Variants in MROH7 observed in about 807,000 individuals in gnomAD.
MROH7 encodes maestro heat like repeat family member 7, also known as maestro heat-like repeat-containing protein family member 7.
MROH7 carries 113 observed loss-of-function variants against 129.2 expected under a neutral mutation model. The ratio of observed to expected loss-of-function variants is 0.87; its 90% CI spans 0.75 to 1.02. MROH7 has a LOEUF of 1.02. Ranked by LOEUF, MROH7 falls within the 50% of genes least tolerant of loss-of-function variation. MROH7 has a pLI of 0.00. For missense variants in MROH7, 1,601 were observed against 1,671.3 expected, an observed-to-expected ratio of 0.96 and a Z score of 0.73; for synonymous variants, 655 against 667.9, an observed-to-expected ratio of 0.98 and a Z score of 0.30.
chr1:54,705,292 T>A (rs1031577104), intron 21 of MROH7, among the ~76,000 whole-genome samples: 2 of 152,212 alleles, frequency 1.3e-5, no homozygotes, highest in Non-Finnish European at 2.9e-5. Context: ...GGTAACCTAT[T>A]CATTCATTTG....
intron 2 of MROH7, 55 bp from the exon 3 acceptor site, chr1:54,652,798 T>G: frequency 3.1e-6 from 4 of 1,293,272 alleles, no homozygotes; most frequent in Non-Finnish European, 4.2e-6. Context: ...GTGGGAGCCC[T>G]GGAAAAGCCT....
Position 54,710,014 on chromosome 1 carries a change from A to C in MROH7, c.3799A>C (p.Ile1267Leu), listed in dbSNP as rs1645598561. The change falls in exon 24 of 24, where the codon ATC (isoleucine) becomes CTC (leucine). Residue 1267 changes from isoleucine (I) to leucine (L), a missense_variant. Transcript: ENST00000421030. ...CTACGCAGCCCAGGTCCAGGACCAC[A>C]TCCTGGCCAGCTGCTGGCAGAACTC... ...CIYAAQVQDH[I>L]LASCWQNSWL... The C allele has an allele frequency of 6.2e-7, 1 of 1,614,110 alleles. No individual in the cohort carries two copies. The highest frequency in any genetic ancestry group is 8.5e-7 in the Non-Finnish European group (1 of 1,179,998).
At position 54,701,460 on chromosome 1, in the gene MROH7, C is replaced by T. The variant is rs1438661732; in HGVS notation, c.3285+138C>T. ...AGCCTACTGGGAGAGGAACTTTGTC[C>T]CAGCTGGTCCACATCTTTTTGTAAA... On this transcript the variant is annotated intron_variant, in intron 19 of 23. Coordinates refer to ENST00000421030, the MANE Select transcript of MROH7 (RefSeq NM_001039464.4). 4 of 631,846 alleles carry T rather than the reference C, an allele frequency of 6.3e-6. No individual in the cohort carries two copies. In the African/African-American group the frequency reaches 7.5e-5, roughly 12 times the overall value. The allele number at this position is 631,846 out of a possible 1,614,324, so 39.1% of individuals were successfully genotyped here.
intron 10 of MROH7, 82 bp from the exon 11 acceptor site, chr1:54,678,660 C>G (rs1645018330): frequency 2.1e-6 from 2 of 933,560 alleles, no homozygotes; most frequent in Non-Finnish European, 3.5e-6. Context: ...AAGTTAGTTC[C>G]TTATGATGTA....
chr1:54,684,016 A>G (rs1009949402), intron 14 of MROH7, among the ~76,000 whole-genome samples: 1 of 152,244 alleles, frequency 6.6e-6, no homozygotes, highest in African/African-American at 2.4e-5. Context: ...TGTGCTCACC[A>G]TGATATCCCC....
intron 1 of MROH7, among the ~76,000 whole-genome samples, chr1:54,650,368 G>A (rs1236193881): frequency 6.6e-6 from 1 of 152,158 alleles, no homozygotes; most frequent in Non-Finnish European, 1.5e-5. Context: ...AAAATTTGTG[G>A]AGTGAGTAAA....
At position 54,674,058 on chromosome 1, in the gene MROH7, C is replaced by A. The variant is rs756649665; in HGVS notation, c.1843C>A (p.Leu615Ile). 3.7e-6 allele frequency: 6 copies of A among 1,614,056 alleles called. No homozygotes were observed. The highest frequency in any genetic ancestry group is 5.1e-6 in the Non-Finnish European group (6 of 1,180,042). ...FPALGLLLGR[L>I]ILHIGDPDEE... ...GGCGCTGGGGCTTCTGCTGGGGAGA[C>A]TCATCCTTCACATTGGGGATCCTGA... The change falls in exon 10 of 24, where the codon CTC becomes ATC. Residue 615 changes from leucine (L) to isoleucine (I), a missense_variant. Leu to Ile is a conservative substitution (Grantham distance 5, BLOSUM62 2). Transcript: ENST00000421030.
Position 54,702,236 on chromosome 1 carries a change from G to A in MROH7, c.3432G>A (p.Lys1144=). The stretch of plus-strand genomic sequence containing the variant: ...TGACCATGCAGGAGGGCAACTCCAA[G>A]GTAAGCCAGGTGAGTGTGCGTGGGC... ...LLLTMQEGNS[K]VSQKCVKTLL... is the part of the protein sequence containing the mutation. The change falls in exon 20 of 24, where the codon AAG becomes AAA. Residue 1144 remains lysine (K), a synonymous_variant. Transcript: ENST00000421030. 1.3e-6 allele frequency: 2 copies of A among 1,543,258 alleles called. No individual in the cohort carries two copies. Among genetic ancestry groups the A allele is most frequent in the Non-Finnish European group, 1.8e-6 (2 of 1,142,110 alleles).
At chr1:54,671,250 CTT>C (rs1557704706) in intron 7 of MROH7, among the ~76,000 whole-genome samples, 2 of 146,088 alleles carry the variant, frequency 1.4e-5, no homozygotes, top group African/African-American at 5.1e-5. Context: ...AAAAAAAAAA[CTT>C]AGCCGGGCGT....
In MROH7 at chr1:54,679,447, C is replaced by G; in HGVS notation, c.2226+8C>G. 6.2e-7 allele frequency: 1 copy of G among 1,610,362 alleles called. No individual in the cohort carries two copies. The highest frequency in any genetic ancestry group is 8.5e-7 in the Non-Finnish European group (1 of 1,177,720). On this transcript the variant is annotated splice_region_variant and intron_variant, in intron 12 of 23. Transcript: ENST00000421030. ...CACAGGGCGCTGGAGGTGGTAAGGC[C>G]TCCTGGGGGCAGGGAGTGAACTGTC...
At chr1:54,672,890 A>AT (rs11461510) in intron 7 of MROH7, among the ~76,000 whole-genome samples, 152,167 of 152,314 alleles carry the variant, frequency 1, 76,011 homozygotes, top group Middle Eastern at 1. Context: ...ATAATTAGCA[A>AT]TTGTTGATAA....
chr1:54,709,376 G>A lies in MROH7; in HGVS notation c.3730+300G>A, dbSNP rs546733916. Among the ~76,000 whole-genome samples, 5 of 152,236 alleles carry A rather than the reference G, an allele frequency of 3.3e-5. No homozygotes were observed. In the East Asian group the frequency reaches 9.7e-4, roughly 29 times the overall value. On this transcript the variant is annotated intron_variant, in intron 23 of 23. Coordinates refer to ENST00000421030, the MANE Select transcript of MROH7 (RefSeq NM_001039464.4). Reference sequence around the variant, plus strand: ...TGAGACTGCAGGCAGATGCCACTGCGCCTGCTAATTTTTGTATCTTCAGTA... The same window carrying A: ...TGAGACTGCAGGCAGATGCCACTGCACCTGCTAATTTTTGTATCTTCAGTA...
chr1:54,676,615 G>A (rs1247178849), intron 10 of MROH7, among the ~76,000 whole-genome samples: 4 of 151,996 alleles, frequency 2.6e-5, no homozygotes, highest in Admixed American at 6.6e-5. Context: ...GGCTGGTCTC[G>A]GACTCCTGAT....
At chr1:54,692,004 C>T (rs1002241388) in intron 15 of MROH7, among the ~76,000 whole-genome samples, 3 of 151,848 alleles carry the variant, frequency 2.0e-5, no homozygotes, top group Non-Finnish European at 4.4e-5. Flanking sequence ...GCCCCAGTCT[C>T]GTCAGTTGGT....
rs762789848 is a variant in MROH7, at chr1:54,686,372, C to A, written c.2635C>A (p.Leu879Ile). The change falls in exon 15 of 24, where the codon CTC becomes ATC. Residue 879 changes from leucine to isoleucine, a missense_variant. Transcript: ENST00000421030. ...CATTCAGGTCCATTACCACATCGGC[C>A]TCAACCTGCCTGGCTGCGTGGCTCC... ...LLIQVHYHIG[L>I]NLPGCVAPPK... The A allele has an allele frequency of 6.2e-7, 1 of 1,614,178 alleles. No homozygotes were observed. Among genetic ancestry groups the A allele is most frequent in the East Asian group, 2.2e-5 (1 of 44,880 alleles).
chr1:54,699,778 C>T (rs1214258189), intron 17 of MROH7: 13 of 338,322 alleles, frequency 3.8e-5, no homozygotes, highest in African/African-American at 1.9e-4. Context: ...TTCCAGCTGT[C>T]GCCTCAGGAG....
rs1644595010 is a variant in MROH7, at chr1:54,653,697, G to A, written c.771G>A (p.Glu257=). 1 of 1,614,050 alleles carries A rather than the reference G, an allele frequency of 6.2e-7. No homozygotes were observed. Among genetic ancestry groups the A allele is most frequent in the Non-Finnish European group, 8.5e-7 (1 of 1,180,032 alleles). The change falls in exon 3 of 24, where the codon GAG becomes GAA. Residue 257 remains glutamate (E), a synonymous_variant. Coordinates refer to ENST00000421030, the MANE Select transcript of MROH7 (RefSeq NM_001039464.4). The part of the protein sequence containing the change: ...TITLASHNIS[E]SVSKGAFSTT... ...CTTTGGCTTCACATAATATCTCTGA[G>A]TCTGTTTCAAAAGGAGCCTTTAGTA...
At position 54,679,856 on chromosome 1, in the gene MROH7, T is replaced by A. The variant is rs779800272; in HGVS notation, c.2227-35T>A. The A allele has an allele frequency of 1.4e-5, 22 of 1,588,340 alleles. No homozygotes were observed. The East Asian group carries it at 4.7e-4, about 34-fold the overall frequency. ...GCTGCCCCCGTGCTTCCCTTGGCAGTCCCCTTGCTCATGGCTGCCCCGGCT... is the reference window on the plus strand; with the variant it reads ...GCTGCCCCCGTGCTTCCCTTGGCAGACCCCTTGCTCATGGCTGCCCCGGCT... On this transcript the variant is annotated intron_variant, in intron 12 of 23. Coordinates refer to ENST00000421030, the MANE Select transcript of MROH7 (RefSeq NM_001039464.4).
chr1:54,678,711 C>G (rs183721112), intron 10 of MROH7, 31 bp from the exon 11 acceptor site: 3 of 1,501,640 alleles, frequency 2.0e-6, no homozygotes. Flanking sequence ...TAGGGAGATC[C>G]GGCCTCACTG....
Sources: allele counts gnomAD v4.1 joint callset (sites outside exome capture counted in the v4.1 genomes callset), GRCh38; gene constraint gnomAD v4.1.1; transcripts MANE v1.5; gene names NCBI Gene and HGNC (gene_info 2026-07-23, HGNC 2026-07-21).